Variants in XRCC5 observed in about 807,000 individuals in gnomAD.
The protein encoded by XRCC5 is X-ray repair cross complementing 5.
In XRCC5, 12 loss-of-function variants were observed where a neutral mutation model predicts 95.7. The observed-to-expected ratio is 0.13, with a 90% CI of 0.08 to 0.20. The LOEUF (loss-of-function observed/expected upper bound fraction) is 0.20, where lower values mean the gene tolerates loss of function less well. Among genes scored for constraint, XRCC5 ranks in the 10% least tolerant of loss-of-function variants. The probability of loss-of-function intolerance (pLI) is 1.00; values close to 1 mark genes in which losing one functional copy is unlikely to be tolerated. For synonymous variants in XRCC5, 281 were observed against 290.3 expected (o/e 0.97, Z 0.33); for missense variants, 595 against 873.9 (o/e 0.68, Z 4.02).
At position 216,194,919 on chromosome 2, in the gene XRCC5, A is replaced by G. The variant is rs1689686784; in HGVS notation, c.2042A>G (p.Asp681Gly). ...LNHFWEIVVQDGITLITKEEA... is the reference protein window; with the variant it reads ...LNHFWEIVVQGGITLITKEEA... ...TTTTACTCTCTGAATTACTTTTTAG[A>G]TGGAATTACTCTGATCACCAAAGAG... is the stretch of plus-strand genomic sequence containing the variant. The change falls in exon 19 of 21, where the codon GAT becomes GGT. Residue 681 changes from aspartate (D) to glycine (G), a missense_variant and splice_region_variant. Physicochemically the swap from Asp to Gly is moderately conservative, Grantham distance 94. This residue lies in a region of XRCC5 where 309 missense variants were observed against 382.9 expected (regional missense o/e 0.81). Coordinates refer to ENST00000392132, the MANE Select transcript of XRCC5 (RefSeq NM_021141.4). 2 of 1,613,912 alleles carry G rather than the reference A, an allele frequency of 1.2e-6. No homozygotes were observed. The highest frequency in any genetic ancestry group is 1.7e-6 in the Non-Finnish European group (2 of 1,179,886).
chr2:216,137,758 G>T (rs1331136445), intron 11 of XRCC5, among the ~76,000 whole-genome samples: 1 of 152,196 alleles, frequency 6.6e-6, no homozygotes, highest in Non-Finnish European at 1.5e-5. Flanking sequence ...ACTTACTGTG[G>T]CCGAACTGGA....
chr2:216,156,386 T>C, intron 14 of XRCC5: 1 of 800,574 alleles, frequency 1.2e-6, no homozygotes. Context: ...AACCCTTCAA[T>C]TTAAGTGCTT....
chr2:216,117,371 T>G (rs1696716869), intron 3 of XRCC5: 1 of 223,484 alleles, frequency 4.5e-6, no homozygotes, highest in Non-Finnish European at 9.0e-6. Flanking sequence ...TCCTGATCAC[T>G]GGGAAGTGCT....
At chr2:216,123,405 C>T (rs747295787) in intron 6 of XRCC5, among the ~76,000 whole-genome samples, 3 of 152,124 alleles carry the variant, frequency 2.0e-5, no homozygotes, top group Non-Finnish European at 2.9e-5. Context: ...AGTTTCTTGG[C>T]GTAATGTGTT....
chr2:216,135,092 T>G (rs207880), intron 10 of XRCC5, among the ~76,000 whole-genome samples: 121,720 of 151,412 alleles, frequency 0.8, 48,965 homozygotes, highest in East Asian at 0.88. Flanking sequence ...GGGGTCATAG[T>G]TTTTTTGTTT....
chr2:216,137,178 A>C lies in XRCC5; in HGVS notation c.1204A>C (p.Asn402His), dbSNP rs1251931468. 2 of 1,613,754 alleles carry C rather than the reference A, an allele frequency of 1.2e-6. No individual in the cohort carries two copies. Among genetic ancestry groups the C allele is most frequent in the South Asian group, 2.2e-5 (2 of 90,996 alleles). ...TCGATATGCTTATGACAAAAGAGCT[A>C]ATCCTCAAGTCGGCGTGGCTTTTCC... ...IVRYAYDKRA[N>H]PQVGVAFPHI... The change falls in exon 11 of 21, where the codon AAT becomes CAT. Residue 402 changes from asparagine (N) to histidine (H), a missense_variant. By Grantham distance (68) the Asn-to-His change is moderately conservative (BLOSUM62 1). Transcript: ENST00000392132.
At chr2:216,176,474 T>C (rs1013165605) in intron 16 of XRCC5, among the ~76,000 whole-genome samples, 1 of 152,364 alleles carries the variant, frequency 6.6e-6, no homozygotes, top group Non-Finnish European at 1.5e-5. Flanking sequence ...GAATCAGTTT[T>C]AGTAATATGT....
At chr2:216,174,085 A>G (rs776528857) in intron 16 of XRCC5, among the ~76,000 whole-genome samples, 2 of 152,116 alleles carry the variant, frequency 1.3e-5, no homozygotes, top group African/African-American at 4.8e-5. Flanking sequence ...CAAGATTTCT[A>G]TTATTTATTC....
At chr2:216,184,696 G>T (rs1245970044) in intron 16 of XRCC5, among the ~76,000 whole-genome samples, 1 of 152,198 alleles carries the variant, frequency 6.6e-6, no homozygotes, top group Non-Finnish European at 1.5e-5. Flanking sequence ...GGCCAGGCTG[G>T]TCTTGAACTC....
At chr2:216,133,463 A>T (rs554292591) in intron 10 of XRCC5, among the ~76,000 whole-genome samples, 2 of 152,350 alleles carry the variant, frequency 1.3e-5, no homozygotes, top group Admixed American at 6.5e-5. Context: ...GGTGTGCGCC[A>T]CCATTCCTTG....
intron 15 of XRCC5, 102 bp downstream of exon 15, chr2:216,160,263 T>G: frequency 1.4e-6 from 1 of 699,462 alleles, no homozygotes; most frequent in Non-Finnish European, 2.3e-6. Flanking sequence ...ACTTTCAAGT[T>G]AAGATCATGA....
intron 12 of XRCC5, among the ~76,000 whole-genome samples, chr2:216,139,517 T>C (rs1697140979): frequency 6.6e-6 from 1 of 152,004 alleles, no homozygotes; most frequent in South Asian, 2.1e-4. Flanking sequence ...TTCATTTACC[T>C]CCCCCTGGGT....
At chr2:216,121,075 T>C (rs1696799072) in intron 5 of XRCC5, among the ~76,000 whole-genome samples, 1 of 152,206 alleles carries the variant, frequency 6.6e-6, no homozygotes, top group African/African-American at 2.4e-5. Flanking sequence ...AGGAAGCTTA[T>C]TTCTGATCTA....
chr2:216,119,673 C>T (rs1696772624), intron 5 of XRCC5, among the ~76,000 whole-genome samples: 1 of 152,078 alleles, frequency 6.6e-6, no homozygotes, highest in South Asian at 2.1e-4. Flanking sequence ...GTTGTGGACA[C>T]ATATATAAAA....
At chr2:216,151,689 G>C (rs1489559775) in intron 14 of XRCC5, among the ~76,000 whole-genome samples, 1 of 152,170 alleles carries the variant, frequency 6.6e-6, no homozygotes, top group Non-Finnish European at 1.5e-5. Flanking sequence ...TGTATCCCTA[G>C]GACCTGGCAA....
At chr2:216,191,330 AT>A (rs1298332669) in intron 17 of XRCC5, among the ~76,000 whole-genome samples, 1 of 152,206 alleles carries the variant, frequency 6.6e-6, no homozygotes, top group Non-Finnish European at 1.5e-5. Context: ...CTTAAAAAAA[AT>A]AAAAGAGAGA....
chr2:216,187,674 A>G (rs1478688721), intron 16 of XRCC5, among the ~76,000 whole-genome samples: 3 of 151,282 alleles, frequency 2.0e-5, no homozygotes, highest in Non-Finnish European at 4.4e-5. Context: ...TTAATTGCCT[A>G]TGCTCTTTTT....
chr2:216,199,614 T>C (rs1689796168), intron 19 of XRCC5, among the ~76,000 whole-genome samples: 1 of 152,230 alleles, frequency 6.6e-6, no homozygotes. Context: ...GTAGAATCTT[T>C]GTATAGCCTT....
At chr2:216,167,830 GT>G (rs1689084282) in intron 16 of XRCC5, among the ~76,000 whole-genome samples, 2 of 151,940 alleles carry the variant, frequency 1.3e-5, no homozygotes, top group East Asian at 1.9e-4. Flanking sequence ...CCCTATAAAA[GT>G]TTTTTTCTTA....
Sources: gnomAD v4.1 joint callset for allele counts (sites outside exome capture counted in the v4.1 genomes callset) on GRCh38, gnomAD v4.1.1 for gene constraint, gnomAD v4.1.1 regional missense constraint, MANE v1.5 for transcripts, NCBI Gene and HGNC (gene_info 2026-07-23, HGNC 2026-07-21) for gene names.